Variants in RBFOX3 observed in about 807,000 individuals in gnomAD.
RBFOX3 encodes RNA binding fox-1 homolog 3.
Under a neutral mutation model 48.7 loss-of-function variants are expected in RBFOX3, and 17 were observed. The observed-to-expected ratio is 0.35, with a 90% CI of 0.24 to 0.52. RBFOX3 has a LOEUF of 0.52. Among genes scored for constraint, RBFOX3 ranks in the 20% least tolerant of loss-of-function variants. The pLI is 0.94. For missense variants in RBFOX3, 382 were observed against 497.5 expected (o/e 0.77, Z 2.21); for synonymous variants, 212 against 209.5 (o/e 1.01, Z -0.10).
At chr17:79,664,240 T>A in the RBFOX3 span, among the ~76,000 whole-genome samples, 2 of 151,728 alleles carry the variant, frequency 1.3e-5, no homozygotes, top group Non-Finnish European at 2.9e-5. Flanking sequence ...AGTGGCGCAA[T>A]CTCAGCTCAC....
At chr17:79,370,585 A>T (rs560193889) in intron 2 of RBFOX3, among the ~76,000 whole-genome samples, 1 of 152,046 alleles carries the variant, frequency 6.6e-6, no homozygotes, top group East Asian at 1.9e-4. Flanking sequence ...ACAGGCACAC[A>T]CACGTACACG....
Position 79,421,206 on chromosome 17 carries a change from G to A in RBFOX3, c.-175+61248C>T, listed in dbSNP as rs976311528. 2.9e-4 allele frequency among the ~76,000 whole-genome samples: 44 copies of A among 152,272 alleles called. No individual in the cohort carries two copies. The highest frequency in any genetic ancestry group is 1.0e-3 in the African/African-American group (42 of 41,562). On this transcript the variant is annotated intron_variant, in intron 2 of 14. Transcript: ENST00000693108. The surrounding 1 kb of genome is among the most constrained non-coding windows in gnomAD (Gnocchi z 4.5). ...CAGGCCTCCATGCCCTAACCTCCGC[G>A]GCCGCTTCTCTCAGCTGGTTCCACC... is the stretch of plus-strand genomic sequence containing the variant.
At chr17:79,181,991 ACAC>A in intron 4 of RBFOX3, among the ~76,000 whole-genome samples, 1 of 151,302 alleles carries the variant, frequency 6.6e-6, no homozygotes, top group Non-Finnish European at 1.5e-5. Context: ...ACACACACAC[ACAC>A]ACACACAAAC....
At chr17:79,235,165 G>A (rs955492980) in intron 4 of RBFOX3, 1 of 152,282 alleles carries the variant, frequency 6.6e-6, no homozygotes, top group African/African-American at 2.4e-5. Flanking sequence ...TGAATCTGTG[G>A]AGGGGGTCAG....
At chr17:79,272,588 T>C (rs900196801) in intron 3 of RBFOX3, among the ~76,000 whole-genome samples, 1 of 152,162 alleles carries the variant, frequency 6.6e-6, no homozygotes, top group African/African-American at 2.4e-5. Context: ...CTTCGTTTCC[T>C]GAGGAGGGGG....
At chr17:79,101,994 C>G (rs1421789370) in intron 8 of RBFOX3, among the ~76,000 whole-genome samples, 1 of 152,208 alleles carries the variant, frequency 6.6e-6, no homozygotes, top group African/African-American at 2.4e-5. Flanking sequence ...AGAGGCTGGA[C>G]TCCAGGATGC....
At chr17:79,513,455 T>C (rs1455879777) in intron 1 of RBFOX3, among the ~76,000 whole-genome samples, 1 of 152,212 alleles carries the variant, frequency 6.6e-6, no homozygotes, top group Non-Finnish European at 1.5e-5. Context: ...GGCTGTGCCA[T>C]GGCCAGGTGG....
intron 2 of RBFOX3, among the ~76,000 whole-genome samples, chr17:79,463,915 A>G (rs62061744): frequency 1.1e-5 from 1 of 88,230 alleles, no homozygotes; most frequent in Non-Finnish European, 2.1e-5. Context: ...CACCACCACC[A>G]CCATTGCCAC....
rs866713551 is a variant in RBFOX3 at position 79,336,244 on chromosome 17, G to C, written c.-174-28420C>G. ...TCTACTAAAAATACAAAACTTAGCCGGGCATGGTGGTATACGTCTGTACTC... is the reference window on the plus strand; with the variant it reads ...TCTACTAAAAATACAAAACTTAGCCCGGCATGGTGGTATACGTCTGTACTC... On this transcript the variant is annotated intron_variant, in intron 2 of 14. Transcript: ENST00000693108. Among the ~76,000 whole-genome samples, 28 of 152,050 alleles carry C rather than the reference G, an allele frequency of 1.8e-4. 1 individual carries two copies. Among genetic ancestry groups the C allele is most frequent in the African/African-American group, 6.3e-4 (26 of 41,462 alleles).
intron 1 of RBFOX3, among the ~76,000 whole-genome samples, chr17:79,610,491 C>G (rs903640880): frequency 6.6e-6 from 1 of 151,930 alleles, no homozygotes; most frequent in Non-Finnish European, 1.5e-5. Flanking sequence ...CCACTGCCAC[C>G]GCCACGCAGC....
intron 3 of RBFOX3, among the ~76,000 whole-genome samples, chr17:79,247,197 C>T (rs982852524): frequency 5.3e-5 from 8 of 151,990 alleles, no homozygotes; most frequent in South Asian, 2.1e-4. Flanking sequence ...GGGAGCCAGC[C>T]GGAGGTCCTA....
At position 79,309,819 on chromosome 17, in the gene RBFOX3, C is replaced by T. The variant is rs75356728; in HGVS notation, c.-174-1995G>A. Among the ~76,000 whole-genome samples, 1,117 of 152,246 alleles carry T rather than the reference C, an allele frequency of 7.3e-3. 18 individuals are homozygous for T. The highest frequency in any genetic ancestry group is 0.026 in the African/African-American group (1,074 of 41,514). On this transcript the variant is annotated intron_variant, in intron 2 of 14. Transcript: ENST00000693108. ...CAGTTCCCCCCTCACTCTCATCTCC[C>T]GCCACCATGTAAGACGCACCTCACT... is the stretch of plus-strand genomic sequence containing the variant.
At chr17:79,215,729 G>A (rs1296209395) in intron 4 of RBFOX3, among the ~76,000 whole-genome samples, 1 of 152,252 alleles carries the variant, frequency 6.6e-6, no homozygotes, top group Non-Finnish European at 1.5e-5. Flanking sequence ...GTATCCCCCA[G>A]GCTTGGCTCT....
At chr17:79,155,615 G>A (rs1052582750) in intron 4 of RBFOX3, among the ~76,000 whole-genome samples, 8 of 152,216 alleles carry the variant, frequency 5.3e-5, no homozygotes, top group South Asian at 2.1e-4. Context: ...GGGTGAAGAC[G>A]AAGTGGGTGG....
intron 1 of RBFOX3, among the ~76,000 whole-genome samples, chr17:79,536,823 A>T (rs1555788817): frequency 6.6e-6 from 1 of 152,200 alleles, no homozygotes; most frequent in East Asian, 1.9e-4. Context: ...GCGGAGGCTA[A>T]CACTGTAATC....
At chr17:79,164,912 G>C (rs952754772) in intron 4 of RBFOX3, among the ~76,000 whole-genome samples, 1 of 152,222 alleles carries the variant, frequency 6.6e-6, no homozygotes, top group African/African-American at 2.4e-5. Context: ...TCACCCAAGG[G>C]ACCCAGCGTT....
Position 79,213,637 on chromosome 17 carries a change from G to A in RBFOX3, c.-34+22129C>T, listed in dbSNP as rs190465029. Among the ~76,000 whole-genome samples, 184 of 152,238 alleles carry A rather than the reference G, an allele frequency of 1.2e-3. 2 individuals carry two copies. In the Middle Eastern group the frequency reaches 0.048, roughly 39 times the overall value. ...AGATTTCCTAAGTCCTTCCATCTTG[G>A]ATGTCCTGAGCCTTCCCCGGGGACT... On this transcript the variant is annotated intron_variant, in intron 4 of 14. Transcript: ENST00000693108.
intron 1 of RBFOX3, among the ~76,000 whole-genome samples, chr17:79,525,557 C>T (rs2086683948): frequency 6.6e-6 from 1 of 152,184 alleles, no homozygotes; most frequent in Non-Finnish European, 1.5e-5. Context: ...CTCTCTCACC[C>T]CCATTCTAGA....
At chr17:79,397,501 A>C (rs2062168185) in intron 2 of RBFOX3, among the ~76,000 whole-genome samples, 1 of 151,090 alleles carries the variant, frequency 6.6e-6, no homozygotes, top group African/African-American at 2.4e-5. Flanking sequence ...CCCAAAAAAA[A>C]AAAAAAAGTG....
Sources: allele counts gnomAD v4.1 joint callset (sites outside exome capture counted in the v4.1 genomes callset), GRCh38; gene constraint gnomAD v4.1.1; non-coding constraint Gnocchi (gnomAD v3.1); transcripts MANE v1.5; gene names NCBI Gene and HGNC (gene_info 2026-07-23, HGNC 2026-07-21).